CRADD: variants seen among roughly 807,000 people sequenced by gnomAD.
CRADD encodes the protein CARD and death domain containing adaptor protein.
A neutral mutation model predicts 15.5 loss-of-function variants in CRADD; 9 were observed. The observed-to-expected ratio is 0.58, with a 90% confidence interval of 0.35 to 1.01. The LOEUF is 1.01. Ranked by LOEUF, CRADD falls within the 50% of genes least tolerant of loss-of-function variation. CRADD has a pLI of 0.02. For synonymous variants in CRADD, 118 were observed against 107.6 expected (o/e 1.10, Z -0.60); for missense variants, 227 against 250.3 (o/e 0.91, Z 0.63).
At chr12:93,720,047 T>C (rs887338655) in intron 2 of CRADD, among the ~76,000 whole-genome samples, 2 of 152,144 alleles carry the variant, frequency 1.3e-5, no homozygotes, top group African/African-American at 4.8e-5. Context: ...CTTAGGTCTT[T>C]CTTCTTTCCT....
chr12:93,703,867 A>C (rs547075859), intron 2 of CRADD, among the ~76,000 whole-genome samples: 3 of 152,084 alleles, frequency 2.0e-5, no homozygotes, highest in African/African-American at 7.2e-5. Flanking sequence ...TAGGTTTTAC[A>C]TGCAATCTGT....
At chr12:93,738,350 G>C (rs1004146966) in intron 2 of CRADD, 2 of 702,090 alleles carry the variant, frequency 2.8e-6, no homozygotes, top group African/African-American at 1.7e-5. Context: ...TTTGAAGCCT[G>C]TTGACAATCT....
chr12:93,844,724 A>G (rs1053467188), intron 2 of CRADD, among the ~76,000 whole-genome samples: 1 of 152,204 alleles, frequency 6.6e-6, no homozygotes, highest in Non-Finnish European at 1.5e-5. Context: ...ACAGAACGAA[A>G]ATGCAGTTAG....
At chr12:93,800,988 TTGCTA>T (rs951493556) in intron 2 of CRADD, among the ~76,000 whole-genome samples, 3 of 152,096 alleles carry the variant, frequency 2.0e-5, no homozygotes, top group African/African-American at 7.3e-5. Flanking sequence ...ACTTTTCTGT[TTGCTA>T]TATTTCCTGT....
chr12:93,725,411 G>GA (rs1417669814), intron 2 of CRADD, among the ~76,000 whole-genome samples: 3 of 150,308 alleles, frequency 2.0e-5, no homozygotes, highest in East Asian at 1.9e-4. Flanking sequence ...CTGTTTTGAA[G>GA]AAAAAAATGT....
At chr12:93,696,415 A>G (rs547653833) in intron 2 of CRADD, among the ~76,000 whole-genome samples, 2 of 152,254 alleles carry the variant, frequency 1.3e-5, no homozygotes, top group Non-Finnish European at 2.9e-5. Flanking sequence ...TTAAAAAGAA[A>G]TACCGTCATT....
intron 2 of CRADD, among the ~76,000 whole-genome samples, chr12:93,775,526 G>T (rs1957131822): frequency 6.6e-6 from 1 of 152,220 alleles, no homozygotes; most frequent in Non-Finnish European, 1.5e-5. Context: ...CTAAATAGTG[G>T]TGAAAGAGCA....
At chr12:93,715,500 G>T (rs1469416146) in intron 2 of CRADD, among the ~76,000 whole-genome samples, 1 of 152,178 alleles carries the variant, frequency 6.6e-6, no homozygotes, top group Non-Finnish European at 1.5e-5. Context: ...GTGAAATTTA[G>T]TGTTAGGATG....
chr12:93,884,017 A>G (rs2137074912), intron 2 of CRADD, among the ~76,000 whole-genome samples: 1 of 152,282 alleles, frequency 6.6e-6, no homozygotes, highest in East Asian at 1.9e-4. Flanking sequence ...TCCCAGCCTC[A>G]GAAGTGACAC....
chr12:93,831,783 G>A (rs149633289), intron 2 of CRADD, among the ~76,000 whole-genome samples: 258 of 152,364 alleles, frequency 1.7e-3, no homozygotes, highest in African/African-American at 5.7e-3. Context: ...TAGACCCTGT[G>A]ATCAGGCTTT....
intron 2 of CRADD, among the ~76,000 whole-genome samples, chr12:93,691,255 CTTT>C (rs66640128): frequency 1.1e-4 from 16 of 141,530 alleles, no homozygotes; most frequent in East Asian, 2.1e-4. Flanking sequence ...CTTTTGTTTT[CTTT>C]TTTTTTTTTT....
chr12:93,775,371 C>A (rs1365467909), intron 2 of CRADD, among the ~76,000 whole-genome samples: 1 of 152,116 alleles, frequency 6.6e-6, no homozygotes, highest in African/African-American at 2.4e-5. Context: ...AAGACACACA[C>A]CCGTGTAGAG....
At chr12:93,790,179 A>G (rs1376919564) in intron 2 of CRADD, among the ~76,000 whole-genome samples, 1 of 152,158 alleles carries the variant, frequency 6.6e-6, no homozygotes, top group Non-Finnish European at 1.5e-5. Flanking sequence ...TGTGGAACCT[A>G]TAGCCGCAGA....
intron 2 of CRADD, among the ~76,000 whole-genome samples, chr12:93,742,272 T>C (rs1268461162): frequency 6.6e-6 from 1 of 152,182 alleles, no homozygotes; most frequent in Non-Finnish European, 1.5e-5. Flanking sequence ...CTTGTGTTAA[T>C]TTAATGTTTC....
intron 2 of CRADD, among the ~76,000 whole-genome samples, chr12:93,777,201 A>G (rs1234105098): frequency 6.6e-6 from 1 of 152,192 alleles, no homozygotes; most frequent in African/African-American, 2.4e-5. Context: ...CTGCCAGGCT[A>G]TGCTGAGCCA....
rs529652837 is a variant in CRADD at position 93,789,627 on chromosome 12, G to A, written c.299-60343G>A. ...GGAAGGGAGGGATGACAAAGGGGCA[G>A]GCAGAGACTTTGAGGGATGAGGGGT... On this transcript the variant is annotated intron_variant, in intron 2 of 2. Transcript: ENST00000332896. Among the ~76,000 whole-genome samples, 7 of 152,050 alleles carry A rather than the reference G, an allele frequency of 4.6e-5. No homozygotes were observed. In the South Asian group the frequency reaches 1.2e-3, roughly 27 times the overall value.
intron 2 of CRADD, among the ~76,000 whole-genome samples, chr12:93,741,560 T>G (rs1483355706): frequency 3.3e-5 from 5 of 152,206 alleles, no homozygotes; most frequent in Admixed American, 6.5e-5. Context: ...ATTCTTTAAA[T>G]ATGAAAGTTA....
intron 2 of CRADD, among the ~76,000 whole-genome samples, chr12:93,887,098 G>A (rs1958543045): frequency 6.6e-6 from 1 of 152,204 alleles, no homozygotes; most frequent in Non-Finnish European, 1.5e-5. Context: ...CACAGGGAGG[G>A]TTCAGTGCAT....
Position 93,867,403 on chromosome 12 carries a change from A to ATT in CRADD, c.299-26642_299-26641dup, listed in dbSNP as rs1555230474. Among the ~76,000 whole-genome samples, 14 of 143,426 alleles carry ATT rather than the reference A, an allele frequency of 9.8e-5. 2 individuals are homozygous for ATT. The highest frequency in any genetic ancestry group is 3.5e-4 in the African/African-American group (14 of 39,962). The allele number at this position is 143,426 out of a possible 152,430, so 94.1% of individuals were successfully genotyped here. On this transcript the variant is annotated intron_variant, in intron 2 of 2. Transcript: ENST00000548483. ...TTGTATTTGACATATATATATATATATTTTTTAAACTTGGAAGTCCAAGAT... is the reference window on the plus strand; with the variant it reads ...TTGTATTTGACATATATATATATATATTTTTTTTAAACTTGGAAGTCCAAGAT...
Sources: allele counts gnomAD v4.1 joint callset (sites outside exome capture counted in the v4.1 genomes callset), GRCh38; gene constraint gnomAD v4.1.1; transcripts MANE v1.5; gene names NCBI Gene and HGNC (gene_info 2026-07-23, HGNC 2026-07-21).